PDE9A: variants seen among roughly 807,000 people sequenced by gnomAD.
PDE9A encodes the protein high affinity cGMP-specific 3',5'-cyclic phosphodiesterase 9A.
A neutral mutation model predicts 87.4 loss-of-function variants in PDE9A; 60 were observed. That is an observed-to-expected ratio of 0.69 (90% CI 0.56 to 0.85). PDE9A has a LOEUF of 0.85. PDE9A is among the 40% of genes least tolerant of loss of function. The probability of loss-of-function intolerance (pLI) is 0.00; values close to 1 mark genes in which losing one functional copy is unlikely to be tolerated. For missense variants in PDE9A, 665 were observed against 779.0 expected (o/e 0.85, Z 1.74); for synonymous variants, 272 against 279.4 (o/e 0.97, Z 0.27).
At chr21:42,715,487 C>T (rs377060014) in intron 4 of PDE9A, among the ~76,000 whole-genome samples, 5 of 147,736 alleles carry the variant, frequency 3.4e-5, no homozygotes, top group South Asian at 2.2e-4. Context: ...ATTAGCCAGG[C>T]GTCATGGCGC....
rs1208523302 is a variant in PDE9A, at chr21:42,751,940, A to AG, written c.735+746dup. On this transcript the variant is annotated intron_variant, in intron 9 of 19. Coordinates refer to ENST00000291539, the MANE Select transcript of PDE9A (RefSeq NM_002606.3). ...TTTTTTGTATTTTTTTAGTAGAGACAGGGTTTCACCATGTTGGCCAGGCTG... is the reference window on the plus strand; with the variant it reads ...TTTTTTGTATTTTTTTAGTAGAGACAGGGGTTTCACCATGTTGGCCAGGCTG... Among the ~76,000 whole-genome samples, 4 of 151,834 alleles carry AG rather than the reference A, an allele frequency of 2.6e-5. No homozygotes were observed. In the East Asian group the frequency reaches 5.9e-4, roughly 22 times the overall value.
chr21:42,774,016 T>C (rs771308147), intron 19 of PDE9A, among the ~76,000 whole-genome samples: 2 of 151,626 alleles, frequency 1.3e-5, no homozygotes, highest in African/African-American at 2.4e-5. Context: ...GAGGCGGAGC[T>C]TGCAGTGAGC....
At chr21:42,670,273 ACACATT>A (rs1170881102) in intron 1 of PDE9A, among the ~76,000 whole-genome samples, 3 of 149,562 alleles carry the variant, frequency 2.0e-5, no homozygotes, top group Non-Finnish European at 3.0e-5. Flanking sequence ...ACACATATTC[ACACATT>A]CACACATACA....
At chr21:42,698,870 C>T (rs1304377979) in intron 3 of PDE9A, 98 bp from the exon 4 acceptor site, 1 of 688,904 alleles carries the variant, frequency 1.5e-6, no homozygotes, top group Non-Finnish European at 2.5e-6. Flanking sequence ...ACCACCTAAT[C>T]CGCTGATTTC....
At chr21:42,767,707 G>C (rs2056541259) in intron 15 of PDE9A, among the ~76,000 whole-genome samples, 1 of 152,168 alleles carries the variant, frequency 6.6e-6, no homozygotes, top group South Asian at 2.1e-4. Flanking sequence ...TTTGTGCCCG[G>C]TGCAGGCAGG....
intron 1 of PDE9A, among the ~76,000 whole-genome samples, chr21:42,672,784 G>T (rs1206937271): frequency 3.9e-5 from 6 of 152,244 alleles, no homozygotes; most frequent in Non-Finnish European, 8.8e-5. Context: ...TCCAGCTTCT[G>T]TCGCACTGTG....
rs576598667 is a variant in PDE9A, at chr21:42,766,631, G to A, written c.1356+1137G>A. 2.9e-4 allele frequency among the ~76,000 whole-genome samples: 44 copies of A among 152,272 alleles called. No individual in the cohort carries two copies. In the South Asian group the frequency reaches 7.7e-3, roughly 27 times the overall value. The stretch of plus-strand genomic sequence containing the variant: ...ACTGTGCGAGAGGATGGGAGCTCCC[G>A]CAGGCAAGGGCTGGACAGCAGGCAA... On this transcript the variant is annotated intron_variant, in intron 15 of 19. Transcript: ENST00000291539.
intron 19 of PDE9A, among the ~76,000 whole-genome samples, chr21:42,774,136 A>C (rs1216393174): frequency 7.2e-5 from 11 of 152,190 alleles, no homozygotes; most frequent in Non-Finnish European, 1.6e-4. Flanking sequence ...ATCTCAAAAA[A>C]ATATAAATAA....
At chr21:42,724,204 T>C (rs547309241) in intron 4 of PDE9A, among the ~76,000 whole-genome samples, 4 of 152,146 alleles carry the variant, frequency 2.6e-5, no homozygotes, top group Admixed American at 6.5e-5. Context: ...CCAAGGATGA[T>C]GACACCCCAG....
intron 1 of PDE9A, among the ~76,000 whole-genome samples, chr21:42,671,590 CTA>C (rs1319093758): frequency 6.6e-6 from 1 of 152,098 alleles, no homozygotes; most frequent in Non-Finnish European, 1.5e-5. Context: ...TAATTTGTAA[CTA>C]GAGGTAAATT....
At chr21:42,698,394 C>T (rs778425314) in intron 3 of PDE9A, among the ~76,000 whole-genome samples, 1 of 152,246 alleles carries the variant, frequency 6.6e-6, no homozygotes, top group Non-Finnish European at 1.5e-5. Flanking sequence ...CTGTCCTTCC[C>T]TGCCTCTTGG....
intron 3 of PDE9A, among the ~76,000 whole-genome samples, chr21:42,697,143 C>G (rs1011541159): frequency 3.3e-5 from 5 of 152,008 alleles, no homozygotes; most frequent in African/African-American, 9.7e-5. Context: ...GGACAGAGGG[C>G]CCTCTAGTCC....
intron 3 of PDE9A, 47 bp from the exon 4 acceptor site, chr21:42,698,921 C>T (rs1230521519): frequency 2.9e-6 from 4 of 1,399,488 alleles, no homozygotes; most frequent in Admixed American, 1.7e-5. Flanking sequence ...AGGCATACAG[C>T]GAGCGCCTTG....
At chr21:42,682,059 G>A (rs1468604468) in intron 1 of PDE9A, among the ~76,000 whole-genome samples, 1 of 152,236 alleles carries the variant, frequency 6.6e-6, no homozygotes, top group Admixed American at 6.5e-5. Flanking sequence ...TAGGGCTCAC[G>A]CCTCATGCCC....
intron 7 of PDE9A, among the ~76,000 whole-genome samples, chr21:42,738,537 G>T (rs552622134): frequency 6.6e-6 from 1 of 151,868 alleles, no homozygotes; most frequent in Non-Finnish European, 1.5e-5. Flanking sequence ...CCTCCGGCTC[G>T]GCTCTCTCTG....
intron 4 of PDE9A, among the ~76,000 whole-genome samples, chr21:42,703,439 A>C (rs1174223963): frequency 6.6e-6 from 1 of 152,200 alleles, no homozygotes; most frequent in Non-Finnish European, 1.5e-5. Flanking sequence ...GGAAGCCATA[A>C]AGCCCTGGAG....
intron 14 of PDE9A, among the ~76,000 whole-genome samples, chr21:42,764,904 GTTGTT>G (rs1287303161): frequency 2.0e-5 from 3 of 152,074 alleles, no homozygotes; most frequent in Non-Finnish European, 2.9e-5. Flanking sequence ...TCTGATGCTT[GTTGTT>G]TTATTTTCTT....
At chr21:42,679,676 GC>G (rs1602004020) in intron 1 of PDE9A, among the ~76,000 whole-genome samples, 1 of 152,106 alleles carries the variant, frequency 6.6e-6, no homozygotes, top group East Asian at 1.9e-4. Flanking sequence ...TCCACGGAGG[GC>G]CCAAGCGGAG....
chr21:42,700,394 A>G (rs1418830223), intron 4 of PDE9A, among the ~76,000 whole-genome samples: 1 of 151,846 alleles, frequency 6.6e-6, no homozygotes, highest in Non-Finnish European at 1.5e-5. Flanking sequence ...GATACCTATA[A>G]CCTTGCCAAC....
Sources: gnomAD v4.1 joint callset for allele counts (sites outside exome capture counted in the v4.1 genomes callset) on GRCh38, gnomAD v4.1.1 for gene constraint, MANE v1.5 for transcripts, NCBI Gene and HGNC (gene_info 2026-07-23, HGNC 2026-07-21) for gene names.